The following FAM13C variants were observed in gnomAD, a reference collection of about 807,000 sequenced individuals.
The protein encoded by FAM13C is protein FAM13C.
FAM13C carries 37 observed loss-of-function variants against 73.2 expected under a neutral mutation model. The ratio of observed to expected loss-of-function variants is 0.51; its 90% CI spans 0.39 to 0.67. The LOEUF (loss-of-function observed/expected upper bound fraction) is 0.67, where lower values mean the gene tolerates loss of function less well. Ranked by LOEUF, FAM13C falls within the 30% of genes least tolerant of loss-of-function variation. The probability of loss-of-function intolerance (pLI) is 0.00; values close to 1 mark genes in which losing one functional copy is unlikely to be tolerated. For missense variants in FAM13C, 589 were observed against 715.6 expected (o/e 0.82, Z 2.02); for synonymous variants, 246 against 260.9 (o/e 0.94, Z 0.55).
At chr10:59,261,375 A>C (rs1309374657) in intron 10 of FAM13C, among the ~76,000 whole-genome samples, 1 of 152,180 alleles carries the variant, frequency 6.6e-6, no homozygotes, top group Non-Finnish European at 1.5e-5. Flanking sequence ...ATCCAGGGGC[A>C]TATGTTGAGC....
In FAM13C at chr10:59,299,055, C is replaced by T. The variant is rs572533940; in HGVS notation, c.507+3746G>A. 4.6e-5 allele frequency among the ~76,000 whole-genome samples: 7 copies of T among 152,022 alleles called. No individual in the cohort carries two copies. In the East Asian group the frequency reaches 9.7e-4, roughly 21 times the overall value. ...AATCAGTTCTGGTGGTTTATTGCACCACACAGTGACTATAATTAATAATAA... is the reference window on the plus strand; with the variant it reads ...AATCAGTTCTGGTGGTTTATTGCACTACACAGTGACTATAATTAATAATAA... On this transcript the variant is annotated intron_variant, in intron 5 of 13. Coordinates refer to ENST00000618804, the MANE Select transcript of FAM13C (RefSeq NM_198215.4).
chr10:59,265,748 T>C (rs754344378), intron 8 of FAM13C, among the ~76,000 whole-genome samples: 10 of 152,142 alleles, frequency 6.6e-5, no homozygotes, highest in Non-Finnish European at 1.2e-4. Flanking sequence ...ATTTAAAGCC[T>C]GAAATCAGTT....
intron 10 of FAM13C, among the ~76,000 whole-genome samples, chr10:59,256,556 A>T (rs1841962108): frequency 6.6e-6 from 1 of 152,178 alleles, no homozygotes; most frequent in African/African-American, 2.4e-5. Context: ...TATTAAAGCA[A>T]TCCCTGAGGA....
At chr10:59,313,960 A>G (rs1484361091) in intron 4 of FAM13C, among the ~76,000 whole-genome samples, 1 of 152,228 alleles carries the variant, frequency 6.6e-6, no homozygotes, top group Non-Finnish European at 1.5e-5. Context: ...AAAACTGCAC[A>G]GTCAAAAGAA....
intron 5 of FAM13C, among the ~76,000 whole-genome samples, chr10:59,284,183 C>T (rs901785690): frequency 8.5e-5 from 13 of 152,060 alleles, no homozygotes; most frequent in Non-Finnish European, 1.6e-4. Flanking sequence ...CTCAGCATAA[C>T]CTCCCACCCA....
chr10:59,337,667 C>CTTTTTTTTTTTTTT (rs3078327), intron 3 of FAM13C, among the ~76,000 whole-genome samples: 17 of 71,026 alleles, frequency 2.4e-4, no homozygotes, highest in African/African-American at 6.7e-4. Context: ...TTTTCTTTTT[C>CTTTTTTTTTTTTTT]TTTTTTTTTT....
intron 8 of FAM13C, 30 bp from the exon 9 acceptor site, chr10:59,264,196 A>G: frequency 7.5e-7 from 1 of 1,330,336 alleles, no homozygotes; most frequent in Non-Finnish European, 1.1e-6. Flanking sequence ...ATGGGGGTGG[A>G]AGGGAGGGAA....
chr10:59,312,756 C>T (rs1215674979), intron 4 of FAM13C, among the ~76,000 whole-genome samples: 1 of 152,158 alleles, frequency 6.6e-6, no homozygotes, highest in Non-Finnish European at 1.5e-5. Flanking sequence ...GGATCAGTGT[C>T]GGTCTGAGGA....
intron 4 of FAM13C, among the ~76,000 whole-genome samples, chr10:59,310,285 T>C (rs1848767790): frequency 6.6e-6 from 1 of 152,164 alleles, no homozygotes; most frequent in South Asian, 2.1e-4. Flanking sequence ...GTATGACTGG[T>C]GTTTCCTGAA....
chr10:59,282,541 A>G (rs1845048559), intron 6 of FAM13C: 1 of 152,126 alleles, frequency 6.6e-6, no homozygotes, highest in Non-Finnish European at 1.5e-5. Flanking sequence ...ACCTGTGTAA[A>G]TCTTTGCCTT....
In FAM13C at chr10:59,247,700, C is replaced by T. The variant is rs150716676; in HGVS notation, c.1672G>A (p.Glu558Lys). The T allele has an allele frequency of 1.9e-3, 3,041 of 1,613,082 alleles. 9 individuals are homozygous for T. The highest frequency in any genetic ancestry group is 5.5e-3 in the Middle Eastern group (33 of 6,052). The change falls in exon 14 of 14, where the codon GAG becomes AAG. Residue 558 changes from glutamate (E) to lysine (K), a missense_variant. By Grantham distance (56) the Glu-to-Lys change is moderately conservative. Transcript: ENST00000618804. ...TTTATGTGCTTATATTCATAATACT[C>T]ATCTGCCATTGGTATCCTATCTTCC... ...QKEDRIPMAD[E>K]YYEYKHIKAK...
At chr10:59,285,659 C>T (rs1239521084) in intron 5 of FAM13C, among the ~76,000 whole-genome samples, 1 of 152,212 alleles carries the variant, frequency 6.6e-6, no homozygotes, top group African/African-American at 2.4e-5. Context: ...CTCATGGCTG[C>T]ATTACTCACA....
intron 5 of FAM13C, among the ~76,000 whole-genome samples, chr10:59,294,042 A>G (rs1251330472): frequency 6.6e-6 from 1 of 152,226 alleles, no homozygotes; most frequent in African/African-American, 2.4e-5. Context: ...AAGAAAACAA[A>G]CAAATCCCCT....
chr10:59,273,135 G>A (rs571533317), intron 6 of FAM13C, among the ~76,000 whole-genome samples: 22 of 152,236 alleles, frequency 1.4e-4, no homozygotes, highest in African/African-American at 4.8e-4. Flanking sequence ...TTATGCTTAC[G>A]CTTCATCCTA....
At chr10:59,354,995 CAATAATAAT>C (rs150232105) in intron 2 of FAM13C, among the ~76,000 whole-genome samples, 1 of 149,734 alleles carries the variant, frequency 6.7e-6, no homozygotes, top group Admixed American at 6.7e-5. Context: ...TGGACCTCAC[CAATAATAAT>C]AATAATAATA....
intron 1 of FAM13C, among the ~76,000 whole-genome samples, chr10:59,357,832 T>C (rs951810922): frequency 6.6e-6 from 1 of 152,196 alleles, no homozygotes. Flanking sequence ...AAATTCACAA[T>C]GTAATCAGCA....
At chr10:59,306,188 A>G (rs1848226780) in intron 4 of FAM13C, among the ~76,000 whole-genome samples, 2 of 152,212 alleles carry the variant, frequency 1.3e-5, no homozygotes, top group African/African-American at 4.8e-5. Context: ...AGCAGATGGT[A>G]AAACAAATAA....
At chr10:59,293,089 T>A (rs1193460777) in intron 5 of FAM13C, among the ~76,000 whole-genome samples, 1 of 131,668 alleles carries the variant, frequency 7.6e-6, no homozygotes, top group African/African-American at 2.7e-5. Context: ...TTTTTTTTTT[T>A]TTGAGACGGA....
At chr10:59,289,239 A>C (rs2133754360) in intron 5 of FAM13C, among the ~76,000 whole-genome samples, 1 of 152,320 alleles carries the variant, frequency 6.6e-6, no homozygotes, top group Admixed American at 6.5e-5. Flanking sequence ...GAGCTCAGGC[A>C]GTAAAGCTCG....
Sources: allele counts gnomAD v4.1 joint callset (sites outside exome capture counted in the v4.1 genomes callset), GRCh38; gene constraint gnomAD v4.1.1; transcripts MANE v1.5; gene names NCBI Gene and HGNC (gene_info 2026-07-23, HGNC 2026-07-21).